RC3H1: variants seen among roughly 807,000 people sequenced by gnomAD.
RC3H1 encodes roquin-1.
Under a neutral mutation model 138.2 loss-of-function variants are expected in RC3H1, and 50 were observed. The observed-to-expected ratio is 0.36, with a 90% CI of 0.29 to 0.46. The LOEUF (loss-of-function observed/expected upper bound fraction) is 0.46, where lower values mean the gene tolerates loss of function less well. Ranked by LOEUF, RC3H1 falls within the 20% of genes least tolerant of loss-of-function variation. The pLI is 1.00. For synonymous variants in RC3H1, 462 were observed against 489.1 expected (o/e 0.94, Z 0.73); for missense variants, 1,031 against 1,388.1 (o/e 0.74, Z 4.09).
At chr1:173,969,104 G>A (rs965926719) in intron 9 of RC3H1, among the ~76,000 whole-genome samples, 13 of 151,598 alleles carry the variant, frequency 8.6e-5, no homozygotes, top group African/African-American at 2.9e-4. Context: ...TGATCCGCCC[G>A]CTTCAGCCTC....
In RC3H1 at chr1:173,993,074, T is replaced by A; in HGVS notation, c.-89A>T. On this transcript the variant is annotated 5_prime_UTR_variant, in exon 2 of 20. Transcript: ENST00000367696. ...GGAATCAAAATCTTTGAAAAAAAGT[T>A]TATCTTTTTTTTTTTTAAATATCTT... 2 of 955,166 alleles carry A rather than the reference T, an allele frequency of 2.1e-6. No individual in the cohort carries two copies. Among genetic ancestry groups the A allele is most frequent in the South Asian group, 3.2e-5 (2 of 63,380 alleles). The allele number at this position is 955,166 out of a possible 1,614,324, so 59.2% of individuals were successfully genotyped here.
At chr1:173,980,136 T>C (rs1027824987) in intron 6 of RC3H1, among the ~76,000 whole-genome samples, 27 of 150,436 alleles carry the variant, frequency 1.8e-4, no homozygotes, top group African/African-American at 6.3e-4. Context: ...CCTTGGCCTC[T>C]CAAAGTGCTG....
chr1:173,953,201 CT>C (rs1659492782), intron 13 of RC3H1, among the ~76,000 whole-genome samples: 1 of 151,984 alleles, frequency 6.6e-6, no homozygotes, highest in African/African-American at 2.4e-5. Flanking sequence ...AATTTTTATC[CT>C]TTTTTATTTT....
chr1:173,980,124 C>CA (rs1660751948), intron 6 of RC3H1, among the ~76,000 whole-genome samples: 1 of 151,638 alleles, frequency 6.6e-6, no homozygotes, highest in East Asian at 1.9e-4. Flanking sequence ...GCAATCCCCC[C>CA]ACCTTGGCCT....
At chr1:173,963,272 A>G (rs571218458) in intron 11 of RC3H1, among the ~76,000 whole-genome samples, 99 of 117,574 alleles carry the variant, frequency 8.4e-4, no homozygotes, top group Admixed American at 6.1e-3. Context: ...CAATCCATTC[A>G]TAACTTTTTT....
intron 8 of RC3H1, 41 bp from the exon 9 acceptor site, chr1:173,970,658 C>A: frequency 8.1e-7 from 1 of 1,231,864 alleles, no homozygotes. Flanking sequence ...AATAACCCCC[C>A]ACAAAAAAAC....
chr1:173,981,165 G>A (rs889738174), intron 5 of RC3H1, among the ~76,000 whole-genome samples, 156 bp from the exon 6 acceptor site: 9 of 152,176 alleles, frequency 5.9e-5, no homozygotes, highest in African/African-American at 2.2e-4. Flanking sequence ...ACTTGTTGAG[G>A]TAGGTATATT....
Position 173,933,092 on chromosome 1 carries a change from G to A in RC3H1, c.*5629C>T, listed in dbSNP as rs1161367154. The A allele has an allele frequency of 6.6e-6, 1 of 151,894 alleles. No homozygotes were observed. Among genetic ancestry groups the A allele is most frequent in the African/African-American group, 2.4e-5 (1 of 41,364 alleles). The allele number at this position is 151,894 out of a possible 1,614,324, so 9.4% of individuals were successfully genotyped here. A position where few individuals can be genotyped will look rare whatever the true frequency, so the allele number is the denominator to read the frequency against. The stretch of plus-strand genomic sequence containing the variant: ...AAACATTAGGATAACAAACTCCACA[G>A]GATTTTATTTTTCTAAATACACATT... On this transcript the variant is annotated 3_prime_UTR_variant, in exon 20 of 20. Coordinates refer to ENST00000367696, the MANE Select transcript of RC3H1 (RefSeq NM_172071.4).
rs1659181034 is a variant in RC3H1, at chr1:173,947,434, T to C, written c.2672A>G (p.Gln891Arg). The C allele has an allele frequency of 6.2e-7, 1 of 1,614,080 alleles. No homozygotes were observed. Among genetic ancestry groups the C allele is most frequent in the Non-Finnish European group, 8.5e-7 (1 of 1,179,994 alleles). The stretch of plus-strand genomic sequence containing the variant: ...CATAGCCTGCATTGGACCAGCACCC[T>C]GATATATAGTTTTGGAAGTTCGTGA... ...AISRTSKTIYQGAGPMQAMAP... is the reference protein window; with the variant it reads ...AISRTSKTIYRGAGPMQAMAP... Residue 891 changes from glutamine (Q) to arginine (R), a missense_variant, in exon 15 of 20, where the codon CAG becomes CGG. Gln to Arg is a conservative substitution (Grantham distance 43). Around this residue, in one of 7 missense-constraint regions of RC3H1, gnomAD observed 716 missense variants for 837.9 expected, o/e 0.85. Coordinates refer to ENST00000367696, the MANE Select transcript of RC3H1 (RefSeq NM_172071.4).
rs572168536 is a variant in RC3H1 at position 174,013,430 on chromosome 1, A to ATAT, written c.-151+8663_-151+8665dup. Among the ~76,000 whole-genome samples the ATAT allele has an allele frequency of 2.7e-4, 41 of 151,490 alleles. No individual in the cohort carries two copies. In the South Asian group the frequency reaches 7.9e-3, roughly 29 times the overall value. On this transcript the variant is annotated intron_variant, in intron 1 of 19. Coordinates refer to ENST00000367696, the MANE Select transcript of RC3H1 (RefSeq NM_172071.4). The stretch of plus-strand genomic sequence containing the variant: ...AATTTAAATGTATCCATACAATGGA[A>ATAT]TATTATTATTATTATATATATATAT...
At chr1:173,982,423 C>G (rs894306435) in intron 5 of RC3H1, among the ~76,000 whole-genome samples, 1 of 152,088 alleles carries the variant, frequency 6.6e-6, no homozygotes, top group Non-Finnish European at 1.5e-5. Flanking sequence ...TTCAATAACT[C>G]TCTCTTCAGA....
intron 7 of RC3H1, among the ~76,000 whole-genome samples, chr1:173,975,108 TG>T (rs1175860570): frequency 6.6e-6 from 1 of 152,172 alleles, no homozygotes; most frequent in Non-Finnish European, 1.5e-5. Context: ...AGTTTTGTTT[TG>T]TTTTTTTGAT....
Position 173,983,500 on chromosome 1 carries a change from A to G in RC3H1, c.510T>C (p.Ile170=), listed in dbSNP as rs950013103. ...SLGERTVTEL[I]LQHQNPQQLS... Reference sequence around the variant, plus strand: ...GTTGCTGAGGATTCTGGTGCTGGAGAATGAGCTCTGTAACTGTTCGTTCAC... The same window carrying G: ...GTTGCTGAGGATTCTGGTGCTGGAGGATGAGCTCTGTAACTGTTCGTTCAC... Residue 170 remains isoleucine, a synonymous_variant, in exon 4 of 20, where the codon ATT becomes ATC. Transcript: ENST00000367696. The G allele has an allele frequency of 2.5e-6, 4 of 1,614,176 alleles. No individual in the cohort carries two copies. Among genetic ancestry groups the G allele is most frequent in the East Asian group, 4.5e-5 (2 of 44,892 alleles).
At chr1:173,964,458 C>A (rs904326213) in intron 10 of RC3H1, among the ~76,000 whole-genome samples, 5 of 152,242 alleles carry the variant, frequency 3.3e-5, no homozygotes, top group African/African-American at 9.6e-5. Flanking sequence ...ACCTCCGCCT[C>A]CTGGGTTCAA....
chr1:173,981,132 G>A (rs776527764), intron 5 of RC3H1, 123 bp from the exon 6 acceptor site: 48 of 758,702 alleles, frequency 6.3e-5, no homozygotes, highest in Non-Finnish European at 9.4e-5. Flanking sequence ...TATACCATTT[G>A]CCTGCAAAAT....
chr1:173,972,339 A>C (rs1250797767), intron 8 of RC3H1, among the ~76,000 whole-genome samples, 170 bp downstream of exon 8: 1 of 152,250 alleles, frequency 6.6e-6, no homozygotes, highest in Non-Finnish European at 1.5e-5. Context: ...AGCCTAATGC[A>C]GTAAACTGTT....
chr1:173,961,795 C>G lies in RC3H1; in HGVS notation c.2132G>C (p.Arg711Thr), dbSNP rs944554394. The change falls in exon 12 of 20, where the codon AGA (arginine) becomes ACA (threonine). Residue 711 changes from arginine to threonine, a missense_variant. Physicochemically the swap from Arg to Thr is moderately conservative, Grantham distance 71. Transcript: ENST00000367696. ...VPSYVPESRE[R>T]YQQIESYYPV... ...ATAGTAACTCTCGATCTGTTGGTATCTTTCTCTGGATTCTGGTACATACGA... is the reference window on the plus strand; with the variant it reads ...ATAGTAACTCTCGATCTGTTGGTATGTTTCTCTGGATTCTGGTACATACGA... 2 of 1,613,470 alleles carry G rather than the reference C, an allele frequency of 1.2e-6. No individual in the cohort carries two copies. The highest frequency in any genetic ancestry group is 1.7e-6 in the Non-Finnish European group (2 of 1,179,998).
chr1:173,935,177 G>C lies in RC3H1; in HGVS notation c.*3544C>G, dbSNP rs1658529172. 1 of 152,112 alleles carries C rather than the reference G, an allele frequency of 6.6e-6. No homozygotes were observed. Among genetic ancestry groups the C allele is most frequent in the Non-Finnish European group, 1.5e-5 (1 of 68,002 alleles). 9.4% of individuals were successfully genotyped at this position (152,112 alleles called of 1,614,324 possible). On this transcript the variant is annotated 3_prime_UTR_variant, in exon 20 of 20. Coordinates refer to ENST00000367696, the MANE Select transcript of RC3H1 (RefSeq NM_172071.4). ...AAGGAATGGATCTTTGGTCACTTCAGCCTCTGTACGTTATCTAAGACAGGA... is the reference window on the plus strand; with the variant it reads ...AAGGAATGGATCTTTGGTCACTTCACCCTCTGTACGTTATCTAAGACAGGA...
At chr1:174,002,520 AAATCTTTGTTCAGGAGCTGAAAGAAATTT>A (rs1273066231) in intron 1 of RC3H1, among the ~76,000 whole-genome samples, 3 of 152,176 alleles carry the variant, frequency 2.0e-5, no homozygotes, top group Non-Finnish European at 2.9e-5. Flanking sequence ...TGGCATGCTT[AAATCTTTGTTCAGGAGCTGAAAGAAATTT>A]GTCTCCAACT....
Sources: allele counts gnomAD v4.1 joint callset (sites outside exome capture counted in the v4.1 genomes callset), GRCh38; gene constraint gnomAD v4.1.1; regional missense constraint gnomAD v4.1.1; transcripts MANE v1.5; gene names NCBI Gene and HGNC (gene_info 2026-07-23, HGNC 2026-07-21).